The following PCNX3 variants were observed in gnomAD, a reference collection of about 807,000 sequenced individuals.
The protein encoded by PCNX3 is pecanex 3.
A neutral mutation model predicts 207.2 loss-of-function variants in PCNX3; 58 were observed. The observed-to-expected ratio is 0.28, with a 90% CI of 0.23 to 0.35. The LOEUF (loss-of-function observed/expected upper bound fraction) is 0.35. Ranked by LOEUF, PCNX3 falls within the 10% of genes least tolerant of loss-of-function variation. The pLI is 1.00. For synonymous variants in PCNX3, 1,337 were observed against 1,183.5 expected, an observed-to-expected ratio of 1.13 and a Z score of -2.66; for missense variants, 2,410 against 2,774.4, an observed-to-expected ratio of 0.87 and a Z score of 2.95.
Position 65,636,170 on chromosome 11 carries a change from C to G in PCNX3, c.5460-4C>G. 1 of 1,598,136 alleles carries G rather than the reference C, an allele frequency of 6.3e-7. No homozygotes were observed. The highest frequency in any genetic ancestry group is 8.5e-7 in the Non-Finnish European group (1 of 1,172,328). ...TGATCCCTTTTCTACCTCTCCACCC[C>G]CAGGCTTCACAAGGGCTGTGGCGCC... On this transcript the variant is annotated splice_region_variant and splice_polypyrimidine_tract_variant and intron_variant, in intron 32 of 34. Transcript: ENST00000355703.
intron 12 of PCNX3, 64 bp downstream of exon 12, chr11:65,623,708 A>G: frequency 6.3e-7 from 1 of 1,583,544 alleles, no homozygotes; most frequent in Middle Eastern, 1.7e-4. Context: ...CCTTCCCACA[A>G]CTCCAGTTTT....
chr11:65,618,735 C>A lies in PCNX3; in HGVS notation c.1373C>A (p.Ser458Tyr). ...ACTTCCTGCTACTCCCCTGAGAGCT[C>A]CCGGGGTGCAGCAGGGGGACCCCGG... ...SSTSCYSPESSRGAAGGPRKR... is the reference protein window; with the variant it reads ...SSTSCYSPESYRGAAGGPRKR... Residue 458 changes from serine (S) to tyrosine (Y), a missense_variant, in exon 6 of 35, where the codon TCC (serine) becomes TAC (tyrosine). Physicochemically the swap from Ser to Tyr is moderately radical, Grantham distance 144. Coordinates refer to ENST00000355703, the MANE Select transcript of PCNX3 (RefSeq NM_032223.4). The A allele has an allele frequency of 1.2e-6, 2 of 1,611,662 alleles. No homozygotes were observed. The highest frequency in any genetic ancestry group is 8.5e-7 in the Non-Finnish European group (1 of 1,178,996).
At chr11:65,623,322 C>T (rs1855208713) in intron 11 of PCNX3, among the ~76,000 whole-genome samples, 169 bp from the exon 12 acceptor site, 1 of 152,230 alleles carries the variant, frequency 6.6e-6, no homozygotes. Flanking sequence ...GGAGCAGGTG[C>T]TGCCGGGCCG....
intron 27 of PCNX3, among the ~76,000 whole-genome samples, chr11:65,631,590 C>A (rs574682852): frequency 5.9e-4 from 89 of 152,026 alleles, no homozygotes; most frequent in African/African-American, 2.0e-3. Flanking sequence ...ACCTGGGAGG[C>A]AGAGGTTGCA....
rs1335955544 is a variant in PCNX3 at position 65,636,783 on chromosome 11, C to A, written c.5910C>A (p.Ser1970Arg). The A allele has an allele frequency of 1.9e-6, 3 of 1,539,424 alleles. No individual in the cohort carries two copies. Among genetic ancestry groups the A allele is most frequent in the Non-Finnish European group, 2.6e-6 (3 of 1,145,692 alleles). ...TCCCCCAGGCGCCTCTAGACCTCAG[C>A]CTCAGCCTCAGCCTCAGCCTCAGCC... is the stretch of plus-strand genomic sequence containing the variant. The part of the protein sequence containing the change: ...TPKSQAPLDL[S>R]LSLSLSLSPD... Residue 1970 changes from serine (S) to arginine (R), a missense_variant, in exon 35 of 35, where the codon AGC becomes AGA. Coordinates refer to ENST00000355703, the MANE Select transcript of PCNX3 (RefSeq NM_032223.4).
intron 27 of PCNX3, among the ~76,000 whole-genome samples, chr11:65,631,898 A>G (rs1256027392): frequency 1.3e-5 from 2 of 152,012 alleles, no homozygotes; most frequent in African/African-American, 4.8e-5. Context: ...TCCACACCAC[A>G]TATCAGAGGA....
rs901529944 is a variant in PCNX3 at position 65,624,215 on chromosome 11, G to A, written c.2565G>A (p.Ala855=). The change falls in exon 14 of 35, where the codon GCG becomes GCA. Residue 855 remains alanine (A), a synonymous_variant. Transcript: ENST00000355703. ...CTCAGGGCCACAACTGGGTGATCGC[G>A]TACAGCCGTCCTGTCTACTTCTGCA... ...SPMHGHNWVI[A]YSRPVYFCIC... The A allele has an allele frequency of 3.7e-6, 6 of 1,606,804 alleles. No homozygotes were observed. Among genetic ancestry groups the A allele is most frequent in the African/African-American group, 1.3e-5 (1 of 74,936 alleles).
At position 65,619,867 on chromosome 11, in the gene PCNX3, T is replaced by G; in HGVS notation, c.1943T>G (p.Val648Gly). 1.2e-6 allele frequency: 2 copies of G among 1,611,362 alleles called. No homozygotes were observed. Among genetic ancestry groups the G allele is most frequent in the Non-Finnish European group, 1.7e-6 (2 of 1,179,662 alleles). Residue 648 changes from valine to glycine, a missense_variant, in exon 8 of 35, where the codon GTG (valine) becomes GGG (glycine). Physicochemically the swap from Val to Gly is moderately radical, Grantham distance 109. Transcript: ENST00000355703. ...TTGCTCACCCGGGCCGGTGCCAATG[T>G]GCATGAGGCCTGCACCTTTGATGAC... ...SLLLTRAGAN[V>G]HEACTFDDTS...
chr11:65,624,212 C>T lies in PCNX3; in HGVS notation c.2562C>T (p.Ile854=), dbSNP rs755371352. 3.5e-5 allele frequency: 56 copies of T among 1,606,124 alleles called. No homozygotes were observed. Among genetic ancestry groups the T allele is most frequent in the South Asian group, 3.4e-4 (31 of 90,156 alleles). Reference sequence around the variant, plus strand: ...CCCCTCAGGGCCACAACTGGGTGATCGCGTACAGCCGTCCTGTCTACTTCT... The same window carrying T: ...CCCCTCAGGGCCACAACTGGGTGATTGCGTACAGCCGTCCTGTCTACTTCT... ...ASPMHGHNWV[I]AYSRPVYFCI... is the part of the protein sequence containing the mutation. Residue 854 remains isoleucine, a synonymous_variant, in exon 14 of 35, where the codon ATC becomes ATT. Transcript: ENST00000355703.
At chr11:65,624,802 A>G (rs1357979911) in intron 15 of PCNX3, 123 bp from the exon 16 acceptor site, 2 of 1,066,014 alleles carry the variant, frequency 1.9e-6, no homozygotes, top group South Asian at 1.5e-5. Flanking sequence ...GGCAGCAGAG[A>G]ACAATGGGCT....
chr11:65,625,037 G>T lies in PCNX3; in HGVS notation c.2919+21G>T, dbSNP rs748927867. 14 of 1,605,018 alleles carry T rather than the reference G, an allele frequency of 8.7e-6. No individual in the cohort carries two copies. In the South Asian group the frequency reaches 1.2e-4, roughly 14 times the overall value. ...TCAAGGTAGGGGTGGCTTGCGAGGT[G>T]GGGGCATGCTGCAGTGCGTAAGGGT... On this transcript the variant is annotated intron_variant, in intron 16 of 34. Transcript: ENST00000355703. This position sits in a 1 kb window ranked among gnomAD's most constrained non-coding sequence, Gnocchi z 5.6.
At position 65,627,492 on chromosome 11, in the gene PCNX3, C is replaced by T. The variant is rs183218801; in HGVS notation, c.3612C>T (p.Ala1204=). The T allele has an allele frequency of 2.5e-6, 4 of 1,613,830 alleles. No homozygotes were observed. The highest frequency in any genetic ancestry group is 2.5e-6 in the Non-Finnish European group (3 of 1,179,852). The change falls in exon 22 of 35, where the codon GCC becomes GCT. Residue 1204 remains alanine (A), a synonymous_variant. Transcript: ENST00000355703. ...CCPPQQYLTL[A]FTVLLFHFDY... ...CCCCACAGCAGTACCTGACGTTGGC[C>T]TTCACCGTCCTGCTCTTCCACTTTG... is the stretch of plus-strand genomic sequence containing the variant.
rs1228583510 is a variant in PCNX3 at position 65,619,574 on chromosome 11, T to C, written c.1743T>C (p.Ser581=). ...EETGRRDRSS[S]VRRTQAIRRR... ...CTGGCAGGCGGGACCGCTCAAGCAG[T>C]GTGAGGCGGACCCAGGCCATTCGGA... is the stretch of plus-strand genomic sequence containing the variant. The change falls in exon 7 of 35, where the codon AGT becomes AGC. Residue 581 remains serine (S), a synonymous_variant. Transcript: ENST00000355703. 16 of 1,609,436 alleles carry C rather than the reference T, an allele frequency of 9.9e-6. No individual in the cohort carries two copies. The highest frequency in any genetic ancestry group is 1.4e-5 in the Non-Finnish European group (16 of 1,179,338).
chr11:65,630,070 C>T (rs936214973), intron 26 of PCNX3, among the ~76,000 whole-genome samples: 1 of 152,204 alleles, frequency 6.6e-6, no homozygotes, highest in Non-Finnish European at 1.5e-5. Context: ...CATGAGTGAG[C>T]CAGCTCCTTC....
chr11:65,618,337 C>T lies in PCNX3; in HGVS notation c.975C>T (p.Ser325=), dbSNP rs781093016. The change falls in exon 6 of 35, where the codon AGC becomes AGT. Residue 325 remains serine (S), a synonymous_variant. Coordinates refer to ENST00000355703, the MANE Select transcript of PCNX3 (RefSeq NM_032223.4). The part of the protein sequence containing the change: ...SEKTNSTHLD[S]PPGGPAPEGS... ...AGACCAACTCCACCCATCTGGACAG[C>T]CCCCCAGGGGGGCCAGCCCCTGAGG... 245 of 1,611,382 alleles carry T rather than the reference C, an allele frequency of 1.5e-4. No individual in the cohort carries two copies. The highest frequency in any genetic ancestry group is 2.0e-4 in the Non-Finnish European group (233 of 1,178,970).
intron 20 of PCNX3, chr11:65,626,563 A>AG: frequency 2.3e-6 from 1 of 438,974 alleles, no homozygotes. Context: ...GCCTGAACCG[A>AG]GGGGTCTGCC....
chr11:65,634,346 G>A lies in PCNX3; in HGVS notation c.4691G>A (p.Arg1564Gln), dbSNP rs75260332. 1.1e-4 allele frequency: 180 copies of A among 1,583,496 alleles called. 2 individuals carry two copies. In the African/African-American group the frequency reaches 1.9e-3, roughly 17 times the overall value. Residue 1564 changes from arginine to glutamine, a missense_variant, in exon 28 of 35, where the codon CGG becomes CAG. Around this residue, in one of 8 missense-constraint regions of PCNX3, gnomAD observed 420 missense variants for 705.3 expected, o/e 0.60. Transcript: ENST00000355703. ...GAGTGGATCCAGTACTGCGCCTCCC[G>A]GCGCAGCCAGGTCAGGCTCCACTAC... The part of the protein sequence containing the change: ...HLEWIQYCAS[R>Q]RSQPVDQDWN...
rs757081409 is a variant in PCNX3 at position 65,619,613 on chromosome 11, A to C, written c.1782A>C (p.Ala594=). 21 of 1,605,310 alleles carry C rather than the reference A, an allele frequency of 1.3e-5. No individual in the cohort carries two copies. The highest frequency in any genetic ancestry group is 1.6e-4 in the Middle Eastern group (1 of 6,082). ...AGGCCATTCGGAGACGCCACAATGC[A>C]GGCAGCAACCCCACCCCTCCAGCCT... ...RTQAIRRRHN[A]GSNPTPPASV... Residue 594 remains alanine (A), a synonymous_variant, in exon 7 of 35, where the codon GCA becomes GCC. Coordinates refer to ENST00000355703, the MANE Select transcript of PCNX3 (RefSeq NM_032223.4).
At position 65,625,179 on chromosome 11, in the gene PCNX3, G is replaced by T; in HGVS notation, c.2928G>T (p.Trp976Cys). 5 of 1,607,284 alleles carry T rather than the reference G, an allele frequency of 3.1e-6. No individual in the cohort carries two copies. The highest frequency in any genetic ancestry group is 3.4e-6 in the Non-Finnish European group (4 of 1,178,058). The stretch of plus-strand genomic sequence containing the variant: ...ATGGATTCTCTCCGCAGACTCCGTG[G>T]CCAGAGCAGCACGTCCCTGTCCTCT... Reference protein sequence around the residue: ...GFCLGAIKTPWPEQHVPVLFS... With the variant: ...GFCLGAIKTPCPEQHVPVLFS... Residue 976 changes from tryptophan to cysteine, a missense_variant, in exon 17 of 35, where the codon TGG becomes TGT. This residue lies in a region of PCNX3 where 333 missense variants were observed against 386.8 expected (regional missense o/e 0.86). Transcript: ENST00000355703. The surrounding 1 kb of genome is among the most constrained non-coding windows in gnomAD (Gnocchi z 5.6).
Sources: gnomAD v4.1 joint callset for allele counts (sites outside exome capture counted in the v4.1 genomes callset) on GRCh38, gnomAD v4.1.1 for gene constraint, gnomAD v4.1.1 regional missense constraint, Gnocchi (gnomAD v3.1) non-coding constraint, MANE v1.5 for transcripts, NCBI Gene and HGNC (gene_info 2026-07-23, HGNC 2026-07-21) for gene names.